Variants in LCP2 observed in about 807,000 individuals in gnomAD.
LCP2 encodes lymphocyte cytosolic protein 2.
A neutral mutation model predicts 74.5 loss-of-function variants in LCP2; 29 were observed. That is an observed-to-expected ratio of 0.39 (90% CI 0.29 to 0.53). The LOEUF (loss-of-function observed/expected upper bound fraction) is 0.53. Among genes scored for constraint, LCP2 ranks in the 20% least tolerant of loss-of-function variants. LCP2 has a pLI of 0.72. For synonymous variants in LCP2, 228 were observed against 229.5 expected, an observed-to-expected ratio of 0.99 and a Z score of 0.06; for missense variants, 604 against 634.6, an observed-to-expected ratio of 0.95 and a Z score of 0.52.
chr5:170,252,990 T>G, intron 18 of LCP2, 129 bp downstream of exon 18: 1 of 624,796 alleles, frequency 1.6e-6, no homozygotes, highest in Non-Finnish European at 2.7e-6. Flanking sequence ...CTCCTTTAAC[T>G]TTTTTTTCAA....
At chr5:170,267,766 T>C (rs1761794960) in intron 8 of LCP2, among the ~76,000 whole-genome samples, 1 of 152,172 alleles carries the variant, frequency 6.6e-6, no homozygotes, top group Non-Finnish European at 1.5e-5. Flanking sequence ...GCTTGGCACA[T>C]AGTAGCTGCT....
At chr5:170,295,946 C>T (rs867196918) in intron 1 of LCP2, among the ~76,000 whole-genome samples, 5 of 152,158 alleles carry the variant, frequency 3.3e-5, no homozygotes, top group Admixed American at 6.5e-5. Context: ...ATCCCTGACC[C>T]GTGGTCCATC....
At chr5:170,275,682 T>G in intron 4 of LCP2, 113 bp downstream of exon 4, 1 of 897,770 alleles carries the variant, frequency 1.1e-6, no homozygotes, top group Non-Finnish European at 1.8e-6. Context: ...ACCCCTGGGA[T>G]TCAGGGGACA....
intron 3 of LCP2, among the ~76,000 whole-genome samples, chr5:170,280,277 C>T (rs1208091361): frequency 1.3e-5 from 2 of 152,034 alleles, no homozygotes; most frequent in African/African-American, 2.4e-5. Context: ...GGGCAGATGC[C>T]TCTCCCCCTG....
chr5:170,249,422 A>C (rs1761379724), intron 20 of LCP2, among the ~76,000 whole-genome samples: 1 of 151,442 alleles, frequency 6.6e-6, no homozygotes, highest in Admixed American at 6.6e-5. Flanking sequence ...TGAAATGCAT[A>C]TATTTTTAAC....
chr5:170,259,736 A>T (rs967899710), intron 14 of LCP2, among the ~76,000 whole-genome samples: 1 of 152,218 alleles, frequency 6.6e-6, no homozygotes, highest in Non-Finnish European at 1.5e-5. Context: ...AGAGAAGGCG[A>T]AAAAGGCCAC....
chr5:170,293,507 T>C, intron 1 of LCP2, 135 bp from the exon 2 acceptor site: 2 of 783,394 alleles, frequency 2.6e-6, no homozygotes, highest in Non-Finnish European at 4.3e-6. Context: ...CTCCCTTGGC[T>C]AACAGAGGGC....
rs964284869 is a variant in LCP2 at position 170,260,673 on chromosome 5, T to G, written c.957+434A>C. Among the ~76,000 whole-genome samples, 6 of 152,226 alleles carry G rather than the reference T, an allele frequency of 3.9e-5. No homozygotes were observed. In the South Asian group the frequency reaches 1.2e-3, roughly 32 times the overall value. ...ACAGGGACAACTGGTCATATTTAACTGGCATGGCAATGTGCATATGGTAAG... is the reference window on the plus strand; with the variant it reads ...ACAGGGACAACTGGTCATATTTAACGGGCATGGCAATGTGCATATGGTAAG... On this transcript the variant is annotated intron_variant, in intron 14 of 20. Coordinates refer to ENST00000046794, the MANE Select transcript of LCP2 (RefSeq NM_005565.5).
chr5:170,267,014 G>T lies in LCP2; in HGVS notation c.683C>A (p.Ala228Glu), dbSNP rs1186697317. 5.0e-6 allele frequency: 8 copies of T among 1,613,876 alleles called. No individual in the cohort carries two copies. Among genetic ancestry groups the T allele is most frequent in the Non-Finnish European group, 6.8e-6 (8 of 1,179,898 alleles). Residue 228 changes from alanine (A) to glutamate (E), a missense_variant, in exon 9 of 21, where the codon GCA (alanine) becomes GAA (glutamate). Ala to Glu is a moderately radical substitution (Grantham distance 107). Transcript: ENST00000046794. ...AGAGCAGCCCTTGTACTCACGCTTTGCCGTTTTGTGGTTTCTGCTTCTGCT... is the reference window on the plus strand; with the variant it reads ...AGAGCAGCCCTTGTACTCACGCTTTTCCGTTTTGTGGTTTCTGCTTCTGCT... Reference protein sequence around the residue: ...EPSRSRNHKTAKLPAPSIDRS... With the variant: ...EPSRSRNHKTEKLPAPSIDRS...
intron 8 of LCP2, among the ~76,000 whole-genome samples, chr5:170,268,114 A>G (rs1761803198): frequency 6.6e-6 from 1 of 152,152 alleles, no homozygotes; most frequent in South Asian, 2.1e-4. Flanking sequence ...AGTAGGTGCC[A>G]CGGACTTAAT....
chr5:170,246,520 A>G lies in LCP2; in HGVS notation c.*2177T>C, dbSNP rs1259598329. On this transcript the variant is annotated 3_prime_UTR_variant, in exon 21 of 21. Coordinates refer to ENST00000046794, the MANE Select transcript of LCP2 (RefSeq NM_005565.5). ...AGTTGGAATAGATTTCAGGGATCCC[A>G]CTAATTTGTCCATACTTTTACTGTG... The G allele has an allele frequency of 6.3e-6, 1 of 159,074 alleles. No homozygotes were observed. The highest frequency in any genetic ancestry group is 1.8e-4 in the East Asian group (1 of 5,544). The allele number at this position is 159,074 out of a possible 1,614,324, so 9.9% of individuals were successfully genotyped here.
At chr5:170,269,650 C>G (rs539006732) in intron 7 of LCP2, among the ~76,000 whole-genome samples, 7 of 152,268 alleles carry the variant, frequency 4.6e-5, no homozygotes, top group Non-Finnish European at 1.0e-4. Context: ...GGCAAACGCT[C>G]CAGCCTCATC....
intron 2 of LCP2, among the ~76,000 whole-genome samples, chr5:170,289,965 AT>A (rs2113213008): frequency 6.6e-6 from 1 of 152,176 alleles, no homozygotes; most frequent in Admixed American, 6.5e-5. Context: ...TTTCAGGAAG[AT>A]TGTGGAGGAG....
At chr5:170,271,185 A>G (rs941817388) in intron 6 of LCP2, among the ~76,000 whole-genome samples, 2 of 152,190 alleles carry the variant, frequency 1.3e-5, no homozygotes, top group African/African-American at 4.8e-5. Flanking sequence ...AGAGAGAAGA[A>G]AGGGGAAGGA....
Position 170,246,396 on chromosome 5 carries a change from G to A in LCP2, c.*2301C>T, listed in dbSNP as rs956324727. On this transcript the variant is annotated 3_prime_UTR_variant, in exon 21 of 21. Coordinates refer to ENST00000046794, the MANE Select transcript of LCP2 (RefSeq NM_005565.5). ...GAGAGCTACTAAATTATTAATTGAT[G>A]GAATGAGTTTTTATTAATCAGAACT... The A allele has an allele frequency of 4.4e-6, 1 of 224,736 alleles. No homozygotes were observed. The highest frequency in any genetic ancestry group is 8.8e-6 in the Non-Finnish European group (1 of 113,668). The allele number at this position is 224,736 out of a possible 1,614,324, so 13.9% of individuals were successfully genotyped here.
chr5:170,269,786 T>C (rs902491998), intron 7 of LCP2, among the ~76,000 whole-genome samples: 8 of 152,218 alleles, frequency 5.3e-5, no homozygotes, highest in Non-Finnish European at 1.2e-4. Context: ...ACTCTGTATC[T>C]TAATGACTGG....
intron 3 of LCP2, chr5:170,287,608 G>T (rs573936937): frequency 3.6e-6 from 1 of 279,592 alleles, no homozygotes; most frequent in Non-Finnish European, 7.0e-6. Context: ...GTGAGAAATG[G>T]AGGTCAAGAA....
At chr5:170,291,199 C>CAGGCAGGAAGGA (rs1554141566) in intron 2 of LCP2, among the ~76,000 whole-genome samples, 5 of 125,524 alleles carry the variant, frequency 4.0e-5, no homozygotes, top group African/African-American at 6.9e-5. Flanking sequence ...GGAAAGAAGG[C>CAGGCAGGAAGGA]AGGAAGGAAG....
chr5:170,262,875 G>C lies in LCP2; in HGVS notation c.799-14C>G. 1 of 1,614,000 alleles carries C rather than the reference G, an allele frequency of 6.2e-7. No homozygotes were observed. ...TGGAATCGAGGGCTGCAAGACAGGA[G>C]GAAAAATGTATGAGTGTCCAAGCAC... On this transcript the variant is annotated splice_polypyrimidine_tract_variant and intron_variant, in intron 11 of 20. Coordinates refer to ENST00000046794, the MANE Select transcript of LCP2 (RefSeq NM_005565.5).
Sources: allele counts gnomAD v4.1 joint callset (sites outside exome capture counted in the v4.1 genomes callset), GRCh38; gene constraint gnomAD v4.1.1; transcripts MANE v1.5; gene names NCBI Gene and HGNC (gene_info 2026-07-23, HGNC 2026-07-21).